Variants in ANKRD30A observed in about 807,000 individuals in gnomAD.
ANKRD30A encodes the protein ankyrin repeat domain-containing protein 30A.
In ANKRD30A, 170 loss-of-function variants were observed where a neutral mutation model predicts 166.3. The ratio of observed to expected loss-of-function variants is 1.02; its 90% CI spans 0.90 to 1.16. The LOEUF is 1.16. Among genes scored for constraint, ANKRD30A ranks in the 50% most tolerant of loss-of-function variants. The pLI is 0.00. For synonymous variants in ANKRD30A, 564 were observed against 508.9 expected (o/e 1.11, Z -1.46); for missense variants, 1,630 against 1,518.0 (o/e 1.07, Z -1.23).
At position 37,199,720 on chromosome 10, in the gene ANKRD30A, T is replaced by G. The variant is rs1018791340; in HGVS notation, c.2717-7T>G. 18 of 1,555,296 alleles carry G rather than the reference T, an allele frequency of 1.2e-5. No individual in the cohort carries two copies. The highest frequency in any genetic ancestry group is 1.6e-5 in the Non-Finnish European group (18 of 1,134,404). On this transcript the variant is annotated splice_region_variant and splice_polypyrimidine_tract_variant and intron_variant, in intron 29 of 35. Coordinates refer to ENST00000361713, the MANE Select transcript of ANKRD30A (RefSeq NM_052997.3). ...TCATGAATGTATCTGTGATTAACCT[T>G]TTATAGATCAGATGTTCCCTTCAGA...
At chr10:37,194,811 T>A (rs1311946612) in intron 27 of ANKRD30A, among the ~76,000 whole-genome samples, 2 of 152,158 alleles carry the variant, frequency 1.3e-5, no homozygotes, top group Non-Finnish European at 2.9e-5. Context: ...TTAGACCGTC[T>A]TTTCTAGCCA....
intron 8 of ANKRD30A, among the ~76,000 whole-genome samples, chr10:37,145,426 GAGATCGTGCCATTGCACTC>G (rs1200732436): frequency 2.0e-5 from 3 of 152,132 alleles, no homozygotes; most frequent in Non-Finnish European, 4.4e-5. Context: ...GCAGTGAGCT[GAGATCGTGCCATTGCACTC>G]AGATCGGGCC....
chr10:37,245,482 C>A, the ANKRD30A span, among the ~76,000 whole-genome samples: 1 of 151,674 alleles, frequency 6.6e-6, no homozygotes, highest in Non-Finnish European at 1.5e-5. Flanking sequence ...GTATCCATAT[C>A]TTGTTGAAAT....
chr10:37,262,298 A>C, the ANKRD30A span, among the ~76,000 whole-genome samples: 1 of 152,214 alleles, frequency 6.6e-6, no homozygotes, highest in Non-Finnish European at 1.5e-5. Flanking sequence ...CTCTTCTGGA[A>C]GTGAATCTGC....
At chr10:37,222,306 T>C (rs186866079) in intron 34 of ANKRD30A, among the ~76,000 whole-genome samples, 168 of 151,476 alleles carry the variant, frequency 1.1e-3, no homozygotes, top group African/African-American at 3.9e-3. Flanking sequence ...CGTCTAGTTT[T>C]TGTCTTTATA....
At chr10:37,201,554 G>T (rs540876615) in intron 31 of ANKRD30A, among the ~76,000 whole-genome samples, 1 of 152,166 alleles carries the variant, frequency 6.6e-6, no homozygotes, top group African/African-American at 2.4e-5. Context: ...GATATTCCAA[G>T]ACCTGAGGAC....
the ANKRD30A span, among the ~76,000 whole-genome samples, chr10:37,246,589 T>C: frequency 6.6e-6 from 1 of 152,232 alleles, no homozygotes; most frequent in Non-Finnish European, 1.5e-5. Context: ...AGACTGCCAA[T>C]GTTCAAGCAA....
chr10:37,235,509 G>A (rs1006836792), downstream of ANKRD30A, among the ~76,000 whole-genome samples: 1 of 152,056 alleles, frequency 6.6e-6, no homozygotes, highest in Admixed American at 6.5e-5. Context: ...TTAAAATAGA[G>A]AATGGTATTA....
intron 27 of ANKRD30A, among the ~76,000 whole-genome samples, chr10:37,193,965 C>G (rs1840829890): frequency 1.3e-5 from 2 of 152,100 alleles, no homozygotes; most frequent in African/African-American, 4.8e-5. Context: ...GAGAGAAAGG[C>G]AGACAGATAA....
intron 27 of ANKRD30A, among the ~76,000 whole-genome samples, chr10:37,195,178 A>G (rs973607972): frequency 1.9e-4 from 29 of 152,238 alleles, no homozygotes; most frequent in African/African-American, 7.0e-4. Flanking sequence ...AAGGTTTTAA[A>G]GTGCCAAATA....
At chr10:37,165,014 G>C in intron 17 of ANKRD30A, 80 bp from the exon 18 acceptor site, 1 of 1,407,950 alleles carries the variant, frequency 7.1e-7, no homozygotes, top group Non-Finnish European at 1.0e-6. Context: ...ATTCGTGAAT[G>C]AAAGTAGATT....
intron 13 of ANKRD30A, among the ~76,000 whole-genome samples, chr10:37,156,431 T>A (rs1384718135): frequency 6.6e-6 from 1 of 152,202 alleles, no homozygotes; most frequent in Non-Finnish European, 1.5e-5. Flanking sequence ...GCATGAATTT[T>A]GAACTTCAGG....
intron 17 of ANKRD30A, among the ~76,000 whole-genome samples, chr10:37,164,531 T>C (rs1192639788): frequency 9.2e-5 from 14 of 152,130 alleles, no homozygotes; most frequent in Non-Finnish European, 1.8e-4. Flanking sequence ...TTAAAGCTTA[T>C]CTTCCTAAAG....
At chr10:37,178,847 T>G (rs1839940653) in intron 24 of ANKRD30A, among the ~76,000 whole-genome samples, 1 of 150,722 alleles carries the variant, frequency 6.6e-6, no homozygotes, top group African/African-American at 2.4e-5. Flanking sequence ...ATTTTGGATT[T>G]TCTATGAAGG....
intron 17 of ANKRD30A, 56 bp downstream of exon 17, chr10:37,162,904 A>G (rs1839045233): frequency 6.3e-7 from 1 of 1,583,892 alleles, no homozygotes; most frequent in Non-Finnish European, 8.6e-7. Flanking sequence ...GGACATTTTG[A>G]TGGTCTTTCT....
At chr10:37,139,085 G>C (rs1836924128) in intron 6 of ANKRD30A, among the ~76,000 whole-genome samples, 1 of 152,186 alleles carries the variant, frequency 6.6e-6, no homozygotes, top group Non-Finnish European at 1.5e-5. Context: ...CATTCTTAAA[G>C]AAAAGAATTT....
the ANKRD30A span, among the ~76,000 whole-genome samples, chr10:37,251,625 A>G: frequency 6.6e-6 from 1 of 152,118 alleles, no homozygotes; most frequent in Non-Finnish European, 1.5e-5. Flanking sequence ...AAATCTTACC[A>G]ATTTTCTCCG....
chr10:37,230,447 T>C lies in ANKRD30A; in HGVS notation c.4186-1014T>C, dbSNP rs570258705. On this transcript the variant is annotated intron_variant, in intron 34 of 35. Transcript: ENST00000361713. ...TCCGCATTTGTTGGTTTTATATGGC[T>C]TTTTTCCCCTTCAGATTCACACTAG... 4.8e-4 allele frequency among the ~76,000 whole-genome samples: 73 copies of C among 152,138 alleles called. 1 individual carries two copies. The South Asian group carries it at 7.7e-3, about 16-fold the overall frequency.
intron 7 of ANKRD30A, among the ~76,000 whole-genome samples, chr10:37,143,527 A>C (rs1837296445): frequency 1.3e-5 from 2 of 152,052 alleles, no homozygotes; most frequent in African/African-American, 4.8e-5. Flanking sequence ...GGCGGCATGC[A>C]CCTGTAATCC....
Sources: allele counts gnomAD v4.1 joint callset (sites outside exome capture counted in the v4.1 genomes callset), GRCh38; gene constraint gnomAD v4.1.1; transcripts MANE v1.5; gene names NCBI Gene and HGNC (gene_info 2026-07-23, HGNC 2026-07-21).